The following CLEC6A variants were observed in gnomAD, a reference collection of about 807,000 sequenced individuals.
CLEC6A encodes C-type lectin domain containing 6A.
A neutral mutation model predicts 25.7 loss-of-function variants in CLEC6A; 22 were observed. That is an observed-to-expected ratio of 0.85 (90% CI 0.61 to 1.22). CLEC6A has a LOEUF of 1.22. Ranked by LOEUF, CLEC6A falls within the 50% of genes most tolerant of loss-of-function variation. The probability of loss-of-function intolerance (pLI) is 0.00; values close to 1 mark genes in which losing one functional copy is unlikely to be tolerated. For synonymous variants in CLEC6A, 92 were observed against 76.7 expected (o/e 1.20, Z -1.04); for missense variants, 240 against 236.8 (o/e 1.01, Z -0.09).
chr12:8,460,694 G>A (rs747966983), intron 3 of CLEC6A: 205 of 1,493,420 alleles, frequency 1.4e-4, no homozygotes, highest in Middle Eastern at 4.0e-4. Context: ...CTGAGGGTCC[G>A]CTGCTGGCAG....
At position 8,464,319 on chromosome 12, in the gene CLEC6A, A is replaced by G. The variant is rs1939800880; in HGVS notation, c.224-1165A>G. On this transcript the variant is annotated intron_variant, in intron 3 of 5. Coordinates refer to ENST00000382073, the MANE Select transcript of CLEC6A (RefSeq NM_001007033.2). ...ACATATCTTATCATTGCTGTTTAAAATTTCTTTCTTTTTCTTTTTTTTTTT... is the reference window on the plus strand; with the variant it reads ...ACATATCTTATCATTGCTGTTTAAAGTTTCTTTCTTTTTCTTTTTTTTTTT... Among the ~76,000 whole-genome samples, 3 of 97,912 alleles carry G rather than the reference A, an allele frequency of 3.1e-5. No homozygotes were observed. In the Admixed American group the frequency reaches 3.7e-4, roughly 12 times the overall value. 64.2% of individuals were successfully genotyped at this position (97,912 alleles called of 152,430 possible).
chr12:8,456,610 G>GTT (rs35752138), intron 1 of CLEC6A, among the ~76,000 whole-genome samples: 10 of 137,182 alleles, frequency 7.3e-5, no homozygotes, highest in East Asian at 6.8e-4. Flanking sequence ...CATCAATAAT[G>GTT]TTTTAAAAAA....
At chr12:8,465,450 A>G (rs1445618081) in intron 3 of CLEC6A, 34 bp from the exon 4 acceptor site, 1 of 1,609,964 alleles carries the variant, frequency 6.2e-7, no homozygotes, top group South Asian at 1.1e-5. Context: ...CTTATCTTGC[A>G]CTCACTCTTT....
At chr12:8,464,464 G>A (rs943457188) in intron 3 of CLEC6A, among the ~76,000 whole-genome samples, 4 of 151,972 alleles carry the variant, frequency 2.6e-5, no homozygotes, top group Admixed American at 6.5e-5. Flanking sequence ...AGAGTGCTGG[G>A]ACTAAAGGCG....
chr12:8,464,154 A>G (rs1177630316), intron 3 of CLEC6A, among the ~76,000 whole-genome samples: 1 of 152,216 alleles, frequency 6.6e-6, no homozygotes. Context: ...ACATTATAAA[A>G]GGAAGAATAA....
Position 8,477,758 on chromosome 12 carries a change from G to A in CLEC6A, c.*294G>A. 4.9e-6 allele frequency: 1 copy of A among 204,514 alleles called. No individual in the cohort carries two copies. The allele number at this position is 204,514 out of a possible 1,614,324, so 12.7% of individuals were successfully genotyped here. On this transcript the variant is annotated 3_prime_UTR_variant, in exon 6 of 6. Transcript: ENST00000382073. ...TTACACAAATATTTATTGTTTCAGA[G>A]ACTGTACTATTTTGTTTGTTAGAAG...
chr12:8,458,816 G>A (rs78628671), intron 2 of CLEC6A, among the ~76,000 whole-genome samples: 80 of 152,212 alleles, frequency 5.3e-4, no homozygotes, highest in African/African-American at 1.8e-3. Flanking sequence ...AACTAAGAGC[G>A]GGGCAGAAAG....
At chr12:8,461,943 G>T (rs1391065066) in intron 3 of CLEC6A, among the ~76,000 whole-genome samples, 2 of 152,208 alleles carry the variant, frequency 1.3e-5, no homozygotes, top group Non-Finnish European at 2.9e-5. Flanking sequence ...GTGGGGAAAA[G>T]AAAGAGCGAT....
At chr12:8,475,272 G>A (rs550648773) in intron 4 of CLEC6A, among the ~76,000 whole-genome samples, 1 of 151,900 alleles carries the variant, frequency 6.6e-6, no homozygotes, top group East Asian at 1.9e-4. Context: ...AAAAACAGTA[G>A]GAAATTAATA....
At chr12:8,469,808 T>C (rs1456560177) in intron 4 of CLEC6A, among the ~76,000 whole-genome samples, 1 of 152,178 alleles carries the variant, frequency 6.6e-6, no homozygotes, top group Non-Finnish European at 1.5e-5. Context: ...GACTTAAATC[T>C]AAGACCTGGA....
intron 4 of CLEC6A, among the ~76,000 whole-genome samples, chr12:8,473,441 T>C (rs1199048154): frequency 6.6e-6 from 1 of 152,132 alleles, no homozygotes; most frequent in African/African-American, 2.4e-5. Context: ...TATTCCATGG[T>C]GTATATGTAT....
intron 3 of CLEC6A, 62 bp from the exon 4 acceptor site, chr12:8,465,422 A>C: frequency 6.6e-7 from 1 of 1,520,020 alleles, no homozygotes; most frequent in East Asian, 2.3e-5. Context: ...GCAATTGCAG[A>C]TCATTAATCT....
intron 4 of CLEC6A, among the ~76,000 whole-genome samples, chr12:8,473,681 G>A (rs752168435): frequency 1.1e-4 from 16 of 151,992 alleles, no homozygotes; most frequent in Non-Finnish European, 1.8e-4. Context: ...GAACTAATTC[G>A]CATTCCCACC....
intron 5 of CLEC6A, among the ~76,000 whole-genome samples, chr12:8,476,650 A>T (rs894683350): frequency 2.0e-5 from 3 of 152,102 alleles, no homozygotes; most frequent in Non-Finnish European, 2.9e-5. Context: ...AATACTATTT[A>T]CTTGTGGCTT....
intron 1 of CLEC6A, among the ~76,000 whole-genome samples, chr12:8,457,410 T>C (rs1282602008): frequency 6.6e-6 from 1 of 152,208 alleles, no homozygotes; most frequent in Non-Finnish European, 1.5e-5. Flanking sequence ...GATTTTATTC[T>C]TTTTTATGGT....
In CLEC6A at chr12:8,476,110, T is replaced by A; in HGVS notation, c.370-15T>A. ...AATACCAAAGTCTTTGACTCCTTTT[T>A]TTTCCTTCATGCAGAATTTCATTGT... On this transcript the variant is annotated splice_polypyrimidine_tract_variant and intron_variant, in intron 4 of 5. Transcript: ENST00000382073. 1 of 1,558,920 alleles carries A rather than the reference T, an allele frequency of 6.4e-7. No individual in the cohort carries two copies. The highest frequency in any genetic ancestry group is 1.1e-5 in the South Asian group (1 of 89,650).
At chr12:8,469,341 T>C (rs1939875194) in intron 4 of CLEC6A, among the ~76,000 whole-genome samples, 2 of 152,184 alleles carry the variant, frequency 1.3e-5, no homozygotes, top group East Asian at 3.9e-4. Flanking sequence ...ATCAATATTG[T>C]TAAAATGACC....
chr12:8,457,792 C>A, intron 1 of CLEC6A, 106 bp from the exon 2 acceptor site: 1 of 759,436 alleles, frequency 1.3e-6, no homozygotes, highest in South Asian at 1.6e-5. Context: ...AAGTTTTTAA[C>A]TGCTCTGAGG....
intron 3 of CLEC6A, chr12:8,460,671 C>A (rs1167572259): frequency 8.7e-6 from 13 of 1,495,772 alleles, no homozygotes; most frequent in Non-Finnish European, 1.1e-5. Context: ...AGTCTGATGT[C>A]ATGAGCTTTC....
Sources: gnomAD v4.1 joint callset for allele counts (sites outside exome capture counted in the v4.1 genomes callset) on GRCh38, gnomAD v4.1.1 for gene constraint, MANE v1.5 for transcripts, NCBI Gene and HGNC (gene_info 2026-07-23, HGNC 2026-07-21) for gene names.